The following GPC5 variants were observed in gnomAD, a reference collection of about 807,000 sequenced individuals.
GPC5 encodes the protein glypican 5.
GPC5 carries 47 observed loss-of-function variants against 53.9 expected under a neutral mutation model. The ratio of observed to expected loss-of-function variants is 0.87; its 90% confidence interval spans 0.69 to 1.11. GPC5 has a LOEUF of 1.11. GPC5 is among the 50% of genes most tolerant of loss of function. The pLI, the probability that GPC5 is intolerant of heterozygous loss-of-function variation, is 0.00. For synonymous variants in GPC5, 286 were observed against 263.3 expected (o/e 1.09, Z -0.84); for missense variants, 748 against 713.1 (o/e 1.05, Z -0.56).
At chr13:92,408,022 C>T (rs1231059740) in intron 7 of GPC5, among the ~76,000 whole-genome samples, 2 of 152,172 alleles carry the variant, frequency 1.3e-5, no homozygotes, top group African/African-American at 2.4e-5. Context: ...GGAACTGATC[C>T]GTGGCCCATG....
chr13:91,822,716 T>C (rs1207807925), intron 5 of GPC5, among the ~76,000 whole-genome samples: 2 of 151,986 alleles, frequency 1.3e-5, no homozygotes, highest in Admixed American at 1.3e-4. Flanking sequence ...CAAGATCAGA[T>C]TTGGATCATA....
At chr13:91,922,215 T>C (rs2039722420) in intron 6 of GPC5, among the ~76,000 whole-genome samples, 1 of 152,186 alleles carries the variant, frequency 6.6e-6, no homozygotes, top group African/African-American at 2.4e-5. Context: ...AAAGAGCTTG[T>C]GCATAGGAAT....
chr13:92,724,333 TAAAAACAA>T (rs1253507540), intron 7 of GPC5, among the ~76,000 whole-genome samples: 2 of 151,642 alleles, frequency 1.3e-5, no homozygotes, highest in Non-Finnish European at 3.0e-5. Context: ...AATGTGTTAA[TAAAAACAA>T]ACAAAACACT....
chr13:92,717,354 C>T (rs1226614374), intron 7 of GPC5, among the ~76,000 whole-genome samples: 3 of 151,980 alleles, frequency 2.0e-5, no homozygotes, highest in Non-Finnish European at 2.9e-5. Flanking sequence ...ACACCTCTGC[C>T]GCCAGACATA....
chr13:92,602,176 T>A (rs1195256105), intron 7 of GPC5, among the ~76,000 whole-genome samples: 1 of 143,818 alleles, frequency 7.0e-6, no homozygotes, highest in Non-Finnish European at 1.5e-5. Flanking sequence ...AAATACACAC[T>A]ATATATATTA....
At chr13:92,149,565 C>T (rs1306204535) in intron 7 of GPC5, among the ~76,000 whole-genome samples, 3 of 151,910 alleles carry the variant, frequency 2.0e-5, no homozygotes, top group African/African-American at 4.8e-5. Context: ...TCCATGTCAG[C>T]GTACTAAGAA....
At chr13:92,685,406 T>G (rs2139227896) in intron 7 of GPC5, among the ~76,000 whole-genome samples, 1 of 152,218 alleles carries the variant, frequency 6.6e-6, no homozygotes, top group East Asian at 1.9e-4. Flanking sequence ...GATCTAATAT[T>G]TCTTAATGGA....
intron 7 of GPC5, among the ~76,000 whole-genome samples, chr13:92,485,184 G>A (rs73632255): frequency 0.011 from 1,702 of 152,252 alleles, 34 homozygotes; most frequent in African/African-American, 0.039. Flanking sequence ...CTAAACCTGT[G>A]CAAATGAATT....
chr13:91,791,987 T>C (rs1288463099), intron 5 of GPC5, among the ~76,000 whole-genome samples: 1 of 152,258 alleles, frequency 6.6e-6, no homozygotes, highest in Non-Finnish European at 1.5e-5. Flanking sequence ...AAAGGTCATA[T>C]TGATAACTAT....
chr13:91,452,042 G>C (rs1881218043), intron 2 of GPC5, among the ~76,000 whole-genome samples: 1 of 151,768 alleles, frequency 6.6e-6, no homozygotes, highest in Non-Finnish European at 1.5e-5. Flanking sequence ...AAGTGCAATG[G>C]TGTGATCACA....
At chr13:91,454,208 C>G (rs1881382815) in intron 2 of GPC5, among the ~76,000 whole-genome samples, 1 of 152,046 alleles carries the variant, frequency 6.6e-6, no homozygotes, top group African/African-American at 2.4e-5. Flanking sequence ...AAGCAATTTT[C>G]CTGTTCTAGA....
At chr13:92,571,046 C>A (rs1392985644) in intron 7 of GPC5, among the ~76,000 whole-genome samples, 3 of 152,102 alleles carry the variant, frequency 2.0e-5, no homozygotes, top group African/African-American at 7.2e-5. Flanking sequence ...ACTCTTATGT[C>A]TAACATAGTT....
At chr13:91,579,757 T>C (rs1438202191) in intron 2 of GPC5, among the ~76,000 whole-genome samples, 4 of 150,958 alleles carry the variant, frequency 2.6e-5, no homozygotes, top group Non-Finnish European at 5.9e-5. Flanking sequence ...GCCTCCCAAG[T>C]AGCTGGGATT....
chr13:91,719,950 A>T (rs181248718), intron 3 of GPC5, among the ~76,000 whole-genome samples: 97 of 152,326 alleles, frequency 6.4e-4, no homozygotes, highest in Admixed American at 1.6e-3. Flanking sequence ...AAGGCATGTC[A>T]AATTCAGGTT....
intron 3 of GPC5, among the ~76,000 whole-genome samples, chr13:91,696,785 G>A (rs1178122202): frequency 6.6e-6 from 1 of 152,126 alleles, no homozygotes; most frequent in African/African-American, 2.4e-5. Context: ...AGAAACAAAA[G>A]TTAATTTACA....
At chr13:92,184,073 C>A (rs532250130) in intron 7 of GPC5, among the ~76,000 whole-genome samples, 1 of 152,098 alleles carries the variant, frequency 6.6e-6, no homozygotes, top group African/African-American at 2.4e-5. Context: ...TGGCTCTAAT[C>A]CTGCCCTTTA....
chr13:91,602,371 C>G (rs1389109381), intron 2 of GPC5, among the ~76,000 whole-genome samples: 1 of 151,990 alleles, frequency 6.6e-6, no homozygotes, highest in Admixed American at 6.6e-5. Context: ...AGCAATTAAC[C>G]CAGTGATTAG....
intron 7 of GPC5, among the ~76,000 whole-genome samples, chr13:92,636,951 G>C (rs937712383): frequency 8.5e-5 from 13 of 152,048 alleles, no homozygotes; most frequent in African/African-American, 2.9e-4. Flanking sequence ...AGTCACCTGG[G>C]CCAAGAGCTT....
chr13:92,632,667 T>C (rs1885287328), intron 7 of GPC5, among the ~76,000 whole-genome samples: 1 of 152,038 alleles, frequency 6.6e-6, no homozygotes. Flanking sequence ...TAGTTTTGTT[T>C]TTCAAATATA....
Sources: gnomAD v4.1 joint callset for allele counts (sites outside exome capture counted in the v4.1 genomes callset) on GRCh38, gnomAD v4.1.1 for gene constraint, MANE v1.5 for transcripts, NCBI Gene and HGNC (gene_info 2026-07-23, HGNC 2026-07-21) for gene names.